The following HIVEP2 variants were observed in gnomAD, a reference collection of about 807,000 sequenced individuals.
The protein encoded by HIVEP2 is transcription factor HIVEP2.
HIVEP2 carries 14 observed loss-of-function variants against 180.7 expected under a neutral mutation model. The ratio of observed to expected loss-of-function variants is 0.08; its 90% CI spans 0.05 to 0.12. The LOEUF (loss-of-function observed/expected upper bound fraction) is 0.12. HIVEP2 is among the 10% of genes least tolerant of loss of function. The probability of loss-of-function intolerance (pLI) is 1.00; values close to 1 mark genes in which losing one functional copy is unlikely to be tolerated. For synonymous variants in HIVEP2, 1,184 were observed against 1,136.4 expected, an observed-to-expected ratio of 1.04 and a Z score of -0.84; for missense variants, 2,579 against 3,008.5, an observed-to-expected ratio of 0.86 and a Z score of 3.34.
At chr6:142,832,726 C>T (rs1453442817) in intron 2 of HIVEP2, among the ~76,000 whole-genome samples, 4 of 152,096 alleles carry the variant, frequency 2.6e-5, no homozygotes, top group Non-Finnish European at 4.4e-5. Context: ...CCAAGGGAAC[C>T]GGAACTCCAG....
At chr6:142,795,192 A>T (rs2114738165) in intron 2 of HIVEP2, among the ~76,000 whole-genome samples, 1 of 152,314 alleles carries the variant, frequency 6.6e-6, no homozygotes, top group South Asian at 2.1e-4. Flanking sequence ...AATTATAATA[A>T]ATTAAAAAAT....
Position 142,770,125 on chromosome 6 carries a change from C to A in HIVEP2, c.4614G>T (p.Leu1538=). The change falls in exon 5 of 10, where the codon CTG becomes CTT. Residue 1538 remains leucine (L), a synonymous_variant. Coordinates refer to ENST00000367603, the MANE Select transcript of HIVEP2 (RefSeq NM_006734.4). This position sits in a 1 kb window ranked among gnomAD's most constrained non-coding sequence, Gnocchi z 4.7. ...AACCGGAAAGCATCTCCTTGCTGGG[C>A]AGGAATGGCTCCCTGGAAGACGGGC... The part of the protein sequence containing the change: ...SVSPSSREPF[L]PSKEMLSGSR... 6.2e-7 allele frequency: 1 copy of A among 1,614,204 alleles called. No individual in the cohort carries two copies. The highest frequency in any genetic ancestry group is 1.7e-5 in the Admixed American group (1 of 60,028).
intron 2 of HIVEP2, among the ~76,000 whole-genome samples, chr6:142,803,462 G>A (rs1353167146): frequency 4.0e-5 from 6 of 151,866 alleles, no homozygotes; most frequent in Admixed American, 6.6e-5. Context: ...CACTACGTGG[G>A]TACAAAGACT....
chr6:142,782,644 C>A (rs1401613941), intron 3 of HIVEP2, among the ~76,000 whole-genome samples: 1 of 152,152 alleles, frequency 6.6e-6, no homozygotes, highest in Non-Finnish European at 1.5e-5. Context: ...ACAATCCTGC[C>A]AAGCAATTCA....
intron 2 of HIVEP2, among the ~76,000 whole-genome samples, chr6:142,833,711 G>C (rs1437350390): frequency 6.6e-6 from 1 of 152,110 alleles, no homozygotes; most frequent in East Asian, 1.9e-4. Context: ...AATAATTTTG[G>C]AAAAATGAAG....
chr6:142,765,519 T>G (rs937158900), intron 6 of HIVEP2, among the ~76,000 whole-genome samples: 3 of 152,206 alleles, frequency 2.0e-5, no homozygotes, highest in African/African-American at 7.2e-5. Context: ...AATTTCTAGT[T>G]TACACAGGGT....
At chr6:142,926,744 G>A (rs987864764) in intron 1 of HIVEP2, among the ~76,000 whole-genome samples, 4 of 152,188 alleles carry the variant, frequency 2.6e-5, no homozygotes, top group Non-Finnish European at 4.4e-5. Context: ...TGGGGCCAGT[G>A]AACCCGGGCC....
intron 1 of HIVEP2, among the ~76,000 whole-genome samples, chr6:142,938,595 C>T (rs1778107432): frequency 6.6e-6 from 1 of 152,194 alleles, no homozygotes; most frequent in South Asian, 2.1e-4. Flanking sequence ...CTATGGTTTT[C>T]TATGATTTGT....
intron 1 of HIVEP2, among the ~76,000 whole-genome samples, chr6:142,842,906 C>T (rs1775405606): frequency 6.6e-6 from 1 of 152,116 alleles, no homozygotes; most frequent in South Asian, 2.1e-4. Flanking sequence ...AGCCCCCTGG[C>T]CACATTTAAA....
intron 3 of HIVEP2, among the ~76,000 whole-genome samples, chr6:142,780,884 C>G (rs1034217969): frequency 2.6e-5 from 4 of 152,270 alleles, no homozygotes; most frequent in Non-Finnish European, 5.9e-5. Context: ...CAACTTAACT[C>G]TTCCAAATGG....
At chr6:142,768,689 AAT>A (rs1272036982) in intron 5 of HIVEP2, among the ~76,000 whole-genome samples, 153 bp from the exon 6 acceptor site, 1 of 152,132 alleles carries the variant, frequency 6.6e-6, no homozygotes, top group Non-Finnish European at 1.5e-5. Flanking sequence ...CTAGGGATAA[AAT>A]CAGATAAGAA....
intron 2 of HIVEP2, among the ~76,000 whole-genome samples, chr6:142,823,230 C>A (rs559732135): frequency 6.6e-6 from 1 of 152,154 alleles, no homozygotes; most frequent in Admixed American, 6.5e-5. Context: ...GGGTCCTTGT[C>A]ATGGGTCCCA....
At chr6:142,887,377 A>T (rs539535966) in intron 1 of HIVEP2, among the ~76,000 whole-genome samples, 170 of 152,318 alleles carry the variant, frequency 1.1e-3, no homozygotes, top group African/African-American at 4.0e-3. Context: ...ATTTTACAAA[A>T]GGATAGTTCA....
At chr6:142,929,912 G>A (rs1343741313) in intron 1 of HIVEP2, among the ~76,000 whole-genome samples, 1 of 152,134 alleles carries the variant, frequency 6.6e-6, no homozygotes, top group Non-Finnish European at 1.5e-5. Context: ...TATCTGACAG[G>A]CTGACTTGTT....
intron 1 of HIVEP2, 117 bp from the exon 2 acceptor site, chr6:142,837,164 G>A (rs1376080639): frequency 6.6e-6 from 1 of 152,040 alleles, no homozygotes; most frequent in Non-Finnish European, 1.5e-5. Flanking sequence ...CTTTTCCTAC[G>A]TTACTGTGCT....
Position 142,760,276 on chromosome 6 carries a change from G to A in HIVEP2, c.6012C>T (p.Ser2004=). Residue 2004 remains serine (S), a synonymous_variant, in exon 9 of 10, where the codon AGC becomes AGT. Coordinates refer to ENST00000367603, the MANE Select transcript of HIVEP2 (RefSeq NM_006734.4). ...QMTEYQRLFQ[S]KSTDSEPDKD... ...TGTCTGGTTCTGAGTCCGTACTTTTGCTCTGGAATAGCCTCTGGTATTCTG... is the reference window on the plus strand; with the variant it reads ...TGTCTGGTTCTGAGTCCGTACTTTTACTCTGGAATAGCCTCTGGTATTCTG... 1 of 1,614,104 alleles carries A rather than the reference G, an allele frequency of 6.2e-7. No individual in the cohort carries two copies. Among genetic ancestry groups the A allele is most frequent in the Non-Finnish European group, 8.5e-7 (1 of 1,180,012 alleles).
intron 1 of HIVEP2, among the ~76,000 whole-genome samples, chr6:142,896,412 C>T (rs1352584293): frequency 6.6e-6 from 1 of 152,166 alleles, no homozygotes; most frequent in Non-Finnish European, 1.5e-5. Context: ...AAAAAACACT[C>T]AATTTGGTTC....
chr6:142,771,531 A>T lies in HIVEP2; in HGVS notation c.3208T>A (p.Ser1070Thr). The T allele has an allele frequency of 1.9e-6, 3 of 1,613,876 alleles. No homozygotes were observed. The highest frequency in any genetic ancestry group is 2.5e-6 in the Non-Finnish European group (3 of 1,180,030). The change falls in exon 5 of 10, where the codon TCA (serine) becomes ACA (threonine). Residue 1070 changes from serine to threonine, a missense_variant. Physicochemically the swap from Ser to Thr is moderately conservative, Grantham distance 58. Around this residue, in one of 11 missense-constraint regions of HIVEP2, gnomAD observed 523 missense variants for 577.0 expected, o/e 0.91. Coordinates refer to ENST00000367603, the MANE Select transcript of HIVEP2 (RefSeq NM_006734.4). This position sits in a 1 kb window ranked among gnomAD's most constrained non-coding sequence, Gnocchi z 5.4. ...PVSGAAASTV[S>T]PSRERKKCFL... ...CATTTCTTCCTCTCCCTGGACGGTG[A>T]TACCGTGGAGGCTGCTGCTCCCGAC...
chr6:142,816,369 T>C (rs972918432), intron 2 of HIVEP2, among the ~76,000 whole-genome samples: 2 of 152,164 alleles, frequency 1.3e-5, no homozygotes, highest in African/African-American at 2.4e-5. Flanking sequence ...ATATATTTTT[T>C]CCTTCCTTAT....
Sources: gnomAD v4.1 joint callset for allele counts (sites outside exome capture counted in the v4.1 genomes callset) on GRCh38, gnomAD v4.1.1 for gene constraint, gnomAD v4.1.1 regional missense constraint, Gnocchi (gnomAD v3.1) non-coding constraint, MANE v1.5 for transcripts, NCBI Gene and HGNC (gene_info 2026-07-23, HGNC 2026-07-21) for gene names.